The following PCDH11X variants were observed in gnomAD, a reference collection of about 807,000 sequenced individuals.
PCDH11X encodes the protein protocadherin-11 X-linked.
In PCDH11X, 18 loss-of-function variants were observed where a neutral mutation model predicts 53.3. The ratio of observed to expected loss-of-function variants is 0.34; its 90% CI spans 0.23 to 0.50. The LOEUF (loss-of-function observed/expected upper bound fraction) is 0.50. Among genes scored for constraint, PCDH11X ranks in the 20% least tolerant of loss-of-function variants. The pLI is 0.98. For synonymous variants in PCDH11X, 279 were observed against 393.3 expected, an observed-to-expected ratio of 0.71 and a Z score of 3.44; for missense variants, 570 against 1,032.4, an observed-to-expected ratio of 0.55 and a Z score of 6.14.
rs56334896 is a variant in PCDH11X at position 92,551,989 on chromosome X, GT to G, written c.3368-66257del. 4.8e-3 allele frequency among the ~76,000 whole-genome samples: 368 copies of G among 76,145 alleles called. 2 individuals carry two copies. The highest frequency in any genetic ancestry group is 0.015 in the African/African-American group (321 of 20,985). The allele number at this position is 76,145 out of a possible 115,157, so 66.1% of individuals were successfully genotyped here. A position where few individuals can be genotyped will look rare whatever the true frequency, so the allele number is the denominator to read the frequency against. ...GAAGTCAGGTAAGGTGATTCCTCTG[GT>G]TTTTTTTTTTTTTTTTTCTCAGGAT... is the stretch of plus-strand genomic sequence containing the variant. On this transcript the variant is annotated intron_variant, in intron 10 of 10. Transcript: ENST00000682573.
At chrX:92,346,435 T>G (rs769862775) in intron 8 of PCDH11X, among the ~76,000 whole-genome samples, 1 of 111,108 alleles carries the variant, frequency 9.0e-6, no homozygotes, top group African/African-American at 3.3e-5. Context: ...GGATCCTCTG[T>G]GCAAGATGAG....
At chrX:92,120,552 A>G (rs1293677674) in intron 6 of PCDH11X, among the ~76,000 whole-genome samples, 1 of 112,360 alleles carries the variant, frequency 8.9e-6, no homozygotes, top group African/African-American at 3.2e-5. Flanking sequence ...ACTTTTGATA[A>G]AGTAATTCAA....
chrX:92,150,047 GATGCTATAA>G (rs1213522352), intron 6 of PCDH11X, among the ~76,000 whole-genome samples: 1 of 111,181 alleles, frequency 9.0e-6, no homozygotes, highest in Non-Finnish European at 1.9e-5. Context: ...ATGGATAATT[GATGCTATAA>G]ACATTTGTGT....
chrX:91,823,987 A>T (rs1359462564), intron 4 of PCDH11X, among the ~76,000 whole-genome samples: 1 of 110,792 alleles, frequency 9.0e-6, no homozygotes, highest in African/African-American at 3.3e-5. Flanking sequence ...TCCTTTAAGA[A>T]TGTTGAATAT....
Position 91,913,615 on chromosome X carries a change from C to T in PCDH11X, c.3033+34342C>T, listed in dbSNP as rs150871213. ...ACCCTGCCCCCACATGACAGTATTTCGTAACTACCCTGATAGCTGAACACA... is the reference window on the plus strand; with the variant it reads ...ACCCTGCCCCCACATGACAGTATTTTGTAACTACCCTGATAGCTGAACACA... On this transcript the variant is annotated intron_variant, in intron 6 of 10. Coordinates refer to ENST00000682573, the MANE Select transcript of PCDH11X (RefSeq NM_032968.5). Among the ~76,000 whole-genome samples the T allele has an allele frequency of 6.3e-3, 705 of 111,659 alleles. 7 individuals are homozygous for T. The highest frequency in any genetic ancestry group is 0.022 in the African/African-American group (673 of 30,712).
At chrX:91,851,407 AAT>A (rs1225508463) in intron 5 of PCDH11X, among the ~76,000 whole-genome samples, 1 of 112,043 alleles carries the variant, frequency 8.9e-6, no homozygotes, top group Non-Finnish European at 1.9e-5. Context: ...ATATCAAATA[AAT>A]AGACTAATGT....
intron 6 of PCDH11X, among the ~76,000 whole-genome samples, chrX:92,142,734 C>T (rs1432791577): frequency 1.8e-5 from 2 of 110,486 alleles, no homozygotes; most frequent in South Asian, 3.8e-4. Context: ...TTTTTTCTGC[C>T]GTGAACTACT....
chrX:92,605,951 G>T (rs1926741233), intron 10 of PCDH11X, among the ~76,000 whole-genome samples: 1 of 110,821 alleles, frequency 9.0e-6, no homozygotes, highest in South Asian at 3.8e-4. Flanking sequence ...CTAATCTGGA[G>T]CTGGGTGCAG....
intron 6 of PCDH11X, among the ~76,000 whole-genome samples, chrX:91,923,910 A>T (rs1182251160): frequency 2.7e-5 from 3 of 110,376 alleles, no homozygotes; most frequent in Non-Finnish European, 5.7e-5. Flanking sequence ...GGAGCTGAAA[A>T]ACTACCAATT....
intron 8 of PCDH11X, among the ~76,000 whole-genome samples, chrX:92,334,282 G>C (rs1009053092): frequency 2.7e-5 from 3 of 111,494 alleles, no homozygotes; most frequent in Non-Finnish European, 5.7e-5. Context: ...TTGCAGTTGA[G>C]AGTGATATAA....
chrX:91,994,347 A>C (rs770423651), intron 6 of PCDH11X, among the ~76,000 whole-genome samples: 1 of 109,839 alleles, frequency 9.1e-6, no homozygotes, highest in Non-Finnish European at 1.9e-5. Flanking sequence ...ACCATTCTGC[A>C]ATCTGTTTCT....
intron 10 of PCDH11X, among the ~76,000 whole-genome samples, chrX:92,569,469 A>T (rs914576861): frequency 9.2e-6 from 1 of 108,688 alleles, no homozygotes; most frequent in Non-Finnish European, 1.9e-5. Flanking sequence ...ATAAAATTGT[A>T]GAAAATACTA....
At chrX:92,449,340 C>A (rs1289080622) in intron 9 of PCDH11X, among the ~76,000 whole-genome samples, 1 of 111,741 alleles carries the variant, frequency 8.9e-6, no homozygotes, top group Non-Finnish European at 1.9e-5. Context: ...AACTATTAAA[C>A]TGAATATTTT....
chrX:91,973,830 G>C (rs1354727614), intron 6 of PCDH11X, among the ~76,000 whole-genome samples: 2 of 109,943 alleles, frequency 1.8e-5, no homozygotes, highest in East Asian at 5.7e-4. Flanking sequence ...GGCCAGGCTG[G>C]TCTCGAACTC....
chrX:92,038,973 G>C (rs2063170946), intron 6 of PCDH11X, among the ~76,000 whole-genome samples: 1 of 111,377 alleles, frequency 9.0e-6, no homozygotes, highest in Non-Finnish European at 1.9e-5. Flanking sequence ...CCCAGTCTTG[G>C]ATATGTCTTT....
intron 9 of PCDH11X, among the ~76,000 whole-genome samples, chrX:92,389,173 C>T (rs1460131166): frequency 9.6e-6 from 1 of 104,662 alleles, no homozygotes; most frequent in African/African-American, 3.5e-5. Flanking sequence ...AATAAATGAT[C>T]AACATTTGTT....
intron 9 of PCDH11X, among the ~76,000 whole-genome samples, chrX:92,440,161 G>C: frequency 9.5e-6 from 1 of 105,220 alleles, no homozygotes; most frequent in Non-Finnish European, 2.0e-5. Context: ...GATCTTGAAT[G>C]GTTTTTTTAG....
At chrX:91,893,406 G>A (rs1212650175) in intron 6 of PCDH11X, among the ~76,000 whole-genome samples, 1 of 104,737 alleles carries the variant, frequency 9.5e-6, no homozygotes. Flanking sequence ...GGAGTGCAGT[G>A]GCGCGATCTC....
At chrX:92,117,329 G>A (rs1446808075) in intron 6 of PCDH11X, among the ~76,000 whole-genome samples, 2 of 109,231 alleles carry the variant, frequency 1.8e-5, no homozygotes, top group African/African-American at 3.3e-5. Context: ...CCAGCTACTC[G>A]GGAGGCTGAG....
Sources: gnomAD v4.1 joint callset for allele counts (sites outside exome capture counted in the v4.1 genomes callset) on GRCh38, gnomAD v4.1.1 for gene constraint, MANE v1.5 for transcripts, NCBI Gene and HGNC (gene_info 2026-07-23, HGNC 2026-07-21) for gene names.